BTBD9: variants seen among roughly 807,000 people sequenced by gnomAD.
The protein encoded by BTBD9 is BTB/POZ domain-containing protein 9.
BTBD9 carries 49 observed loss-of-function variants against 64.3 expected under a neutral mutation model. The ratio of observed to expected loss-of-function variants is 0.76; its 90% CI spans 0.61 to 0.97. The LOEUF (loss-of-function observed/expected upper bound fraction) is 0.97, where lower values mean the gene tolerates loss of function less well. Ranked by LOEUF, BTBD9 falls within the 50% of genes least tolerant of loss-of-function variation. The pLI is 0.00. For synonymous variants in BTBD9, 260 were observed against 274.7 expected (o/e 0.95, Z 0.53); for missense variants, 598 against 762.1 (o/e 0.78, Z 2.53).
chr6:38,191,743 A>G (rs1762082593), intron 10 of BTBD9, among the ~76,000 whole-genome samples: 1 of 152,204 alleles, frequency 6.6e-6, no homozygotes, highest in Non-Finnish European at 1.5e-5. Context: ...CTGAGAGCTC[A>G]TGGCAGGAAG....
intron 6 of BTBD9, among the ~76,000 whole-genome samples, chr6:38,575,481 A>C (rs954107266): frequency 6.6e-6 from 1 of 152,242 alleles, no homozygotes; most frequent in African/African-American, 2.4e-5. Context: ...TTACGTGCTA[A>C]GGAAATAAAC....
At chr6:38,605,755 C>A (rs185494512) in intron 1 of BTBD9, among the ~76,000 whole-genome samples, 1 of 152,066 alleles carries the variant, frequency 6.6e-6, no homozygotes, top group Admixed American at 6.5e-5. Context: ...GAGGTCGAGG[C>A]GGCAGTGAGC....
chr6:38,495,813 C>T (rs80322935), intron 6 of BTBD9, among the ~76,000 whole-genome samples: 2 of 152,092 alleles, frequency 1.3e-5, no homozygotes, highest in African/African-American at 2.4e-5. Flanking sequence ...ATAACAGCCC[C>T]GTGGGGATGA....
At chr6:38,402,760 A>T in intron 6 of BTBD9, 1 of 698,886 alleles carries the variant, frequency 1.4e-6, no homozygotes, top group Non-Finnish European at 2.6e-6. Flanking sequence ...ATTAGGCAAC[A>T]ATTTCTTAGC....
intron 6 of BTBD9, among the ~76,000 whole-genome samples, chr6:38,363,626 A>G (rs763923266): frequency 2.6e-5 from 4 of 152,224 alleles, no homozygotes; most frequent in Non-Finnish European, 5.9e-5. Context: ...AATACACTCC[A>G]ATTCTATTGG....
Position 38,592,795 on chromosome 6 carries a change from C to T in BTBD9, c.595G>A (p.Glu199Lys), listed in dbSNP as rs1416707237. The change falls in exon 4 of 11, where the codon GAA becomes AAA. Residue 199 changes from glutamate to lysine, a missense_variant. Transcript: ENST00000481247. ...AATAAGGCTAGGAAAATATCTTTTT[C>T]GGGAGCTGCAAATGAGTCTCTTAAC... is the stretch of plus-strand genomic sequence containing the variant. ...IVLRDSFAAP[E>K]KDIFLALLNW... is the part of the protein sequence containing the mutation. 2.5e-6 allele frequency: 4 copies of T among 1,614,102 alleles called. No individual in the cohort carries two copies. The highest frequency in any genetic ancestry group is 1.6e-4 in the Middle Eastern group (1 of 6,062).
At chr6:38,377,880 A>C (rs2127611875) in intron 6 of BTBD9, among the ~76,000 whole-genome samples, 1 of 152,340 alleles carries the variant, frequency 6.6e-6, no homozygotes, top group Non-Finnish European at 1.5e-5. Flanking sequence ...TCAATGTACC[A>C]ACTTCTTCCT....
chr6:38,254,475 C>CAAACAAACA (rs757035905), intron 9 of BTBD9, among the ~76,000 whole-genome samples: 1 of 149,668 alleles, frequency 6.7e-6, no homozygotes, highest in East Asian at 2.0e-4. Flanking sequence ...AACAAACAAA[C>CAAACAAACA]AAAAAAAAAC....
At chr6:38,460,506 A>G (rs1770029580) in intron 6 of BTBD9, among the ~76,000 whole-genome samples, 1 of 152,260 alleles carries the variant, frequency 6.6e-6, no homozygotes, top group African/African-American at 2.4e-5. Flanking sequence ...ACACCCCTAC[A>G]CTAATAGCTA....
intron 9 of BTBD9, among the ~76,000 whole-genome samples, chr6:38,235,564 G>A (rs1435619872): frequency 6.6e-6 from 1 of 152,142 alleles, no homozygotes; most frequent in Non-Finnish European, 1.5e-5. Context: ...TTTAAGATAG[G>A]GAGGGGTCAG....
intron 1 of BTBD9, among the ~76,000 whole-genome samples, chr6:38,629,911 G>A (rs1048444078): frequency 2.6e-5 from 4 of 151,390 alleles, no homozygotes; most frequent in African/African-American, 7.3e-5. Flanking sequence ...CACTATTCTA[G>A]ATTAAAGGAG....
intron 7 of BTBD9, among the ~76,000 whole-genome samples, chr6:38,288,914 G>A (rs1326451376): frequency 3.9e-5 from 6 of 152,042 alleles, no homozygotes; most frequent in Non-Finnish European, 8.8e-5. Flanking sequence ...GTGACAGAGC[G>A]AGACTCGTCT....
intron 6 of BTBD9, among the ~76,000 whole-genome samples, chr6:38,400,514 C>A (rs149930170): frequency 2.0e-5 from 3 of 152,146 alleles, no homozygotes; most frequent in African/African-American, 7.2e-5. Context: ...TGATTAACCA[C>A]CCTTTCTCCC....
rs762451023 is a variant in BTBD9 at position 38,580,364 on chromosome 6, T to C, written c.888A>G (p.Leu296=). Reference sequence around the variant, plus strand: ...AATCATAATTTTGAGTATCACCATCTAATAAGGCTGATTTCAGCTCCCCCT... The same window carrying C: ...AATCATAATTTTGAGTATCACCATCCAATAAGGCTGATTTCAGCTCCCCCT... ...VVKGELKSAL[L]DGDTQNYDLD... is the part of the protein sequence containing the mutation. Residue 296 remains leucine (L), a synonymous_variant, in exon 5 of 11, where the codon TTA becomes TTG. Transcript: ENST00000481247. 2 of 1,614,258 alleles carry C rather than the reference T, an allele frequency of 1.2e-6. No homozygotes were observed.
intron 6 of BTBD9, among the ~76,000 whole-genome samples, chr6:38,540,063 T>C (rs1774198407): frequency 6.6e-6 from 1 of 152,198 alleles, no homozygotes; most frequent in South Asian, 2.1e-4. Context: ...GACATGACAA[T>C]CATAAGCACT....
At chr6:38,298,040 A>G (rs10947726) in intron 7 of BTBD9, among the ~76,000 whole-genome samples, 49,247 of 151,218 alleles carry the variant, frequency 0.33, 9,453 homozygotes, top group Non-Finnish European at 0.45. Context: ...TATTTTTAGT[A>G]CAGACGGGGT....
chr6:38,533,474 C>T (rs892661118), intron 6 of BTBD9, among the ~76,000 whole-genome samples: 7 of 152,072 alleles, frequency 4.6e-5, no homozygotes, highest in African/African-American at 9.7e-5. Flanking sequence ...TTCAACACCC[C>T]GCATCCAACA....
chr6:38,183,710 G>A (rs897256886), intron 10 of BTBD9, among the ~76,000 whole-genome samples: 8 of 152,192 alleles, frequency 5.3e-5, no homozygotes, highest in Non-Finnish European at 1.0e-4. Context: ...TTGTGCAACC[G>A]AATGCTTCCA....
intron 9 of BTBD9, among the ~76,000 whole-genome samples, chr6:38,228,351 CAAAAA>C (rs1554130232): frequency 3.5e-5 from 1 of 28,322 alleles, no homozygotes; most frequent in Non-Finnish European, 6.6e-5. Context: ...TCCCCCCCCC[CAAAAA>C]AAAAAAAAAA....
Sources: allele counts gnomAD v4.1 joint callset (sites outside exome capture counted in the v4.1 genomes callset), GRCh38; gene constraint gnomAD v4.1.1; transcripts MANE v1.5; gene names NCBI Gene and HGNC (gene_info 2026-07-23, HGNC 2026-07-21).